The following PRKAG2 variants were observed in gnomAD, a reference collection of about 807,000 sequenced individuals.
The protein encoded by PRKAG2 is 5'-AMP-activated protein kinase subunit gamma-2.
Under a neutral mutation model 69.6 loss-of-function variants are expected in PRKAG2, and 26 were observed. That is an observed-to-expected ratio of 0.37 (90% CI 0.27 to 0.52). The LOEUF (loss-of-function observed/expected upper bound fraction) is 0.52, where lower values mean the gene tolerates loss of function less well. PRKAG2 is among the 20% of genes least tolerant of loss of function. The probability of loss-of-function intolerance (pLI) is 0.90; values close to 1 mark genes in which losing one functional copy is unlikely to be tolerated. For missense variants in PRKAG2, 557 were observed against 740.0 expected (o/e 0.75, Z 2.87); for synonymous variants, 293 against 285.0 (o/e 1.03, Z -0.28).
At chr7:151,626,374 A>G (rs1457048514) in intron 5 of PRKAG2, among the ~76,000 whole-genome samples, 1 of 152,206 alleles carries the variant, frequency 6.6e-6, no homozygotes, top group Non-Finnish European at 1.5e-5. Flanking sequence ...CCTACAGAAT[A>G]GGGCAATATG....
At chr7:151,753,492 C>G (rs975869587) in intron 3 of PRKAG2, among the ~76,000 whole-genome samples, 2 of 152,080 alleles carry the variant, frequency 1.3e-5, no homozygotes, top group Non-Finnish European at 2.9e-5. Context: ...ATGCTAACAT[C>G]GGGCAATCTG....
chr7:151,820,857 G>A (rs1586666398), intron 1 of PRKAG2, among the ~76,000 whole-genome samples: 2 of 152,134 alleles, frequency 1.3e-5, no homozygotes, highest in East Asian at 1.9e-4. Flanking sequence ...TAACCCTGAG[G>A]CCCACCCTGC....
At chr7:151,832,229 AAGGAGAGGAGGAGGGAAGGAAG>A (rs2079043668) in intron 1 of PRKAG2, among the ~76,000 whole-genome samples, 7 of 46,086 alleles carry the variant, frequency 1.5e-4, no homozygotes, top group African/African-American at 3.3e-4. Context: ...GGGAGGAGGG[AAGGAGAGGAGGAGGGAAGGAAG>A]GGAGGAGGGA....
Position 151,736,265 on chromosome 7 carries a change from G to C in PRKAG2, c.466+44887C>G, listed in dbSNP as rs893980960. Reference sequence around the variant, plus strand: ...CGGGGCTGCACCTCCGGCCACAGCAGCTGGAGCGTCAGCCCGGCTGTCCTT... The same window carrying C: ...CGGGGCTGCACCTCCGGCCACAGCACCTGGAGCGTCAGCCCGGCTGTCCTT... On this transcript the variant is annotated intron_variant, in intron 3 of 15. Transcript: ENST00000287878. 4.6e-6 allele frequency: 6 copies of C among 1,310,374 alleles called. No individual in the cohort carries two copies. In the African/African-American group the frequency reaches 5.9e-5, roughly 13 times the overall value. 81.2% of individuals were successfully genotyped at this position (1,310,374 alleles called of 1,614,324 possible). A position where few individuals can be genotyped will look rare whatever the true frequency, so the allele number is the denominator to read the frequency against.
intron 1 of PRKAG2, among the ~76,000 whole-genome samples, chr7:151,813,393 G>A (rs541054306): frequency 6.6e-6 from 1 of 151,608 alleles, no homozygotes; most frequent in African/African-American, 2.4e-5. Flanking sequence ...GGGGGGTCAA[G>A]CGACCCCCAG....
intron 3 of PRKAG2, among the ~76,000 whole-genome samples, chr7:151,700,469 G>A (rs1837488387): frequency 6.6e-6 from 1 of 152,226 alleles, no homozygotes; most frequent in African/African-American, 2.4e-5. Flanking sequence ...CTGTAGGCCA[G>A]GGGTTCCGAA....
In PRKAG2 at chr7:151,771,244, G is replaced by A. The variant is rs911741136; in HGVS notation, c.466+9908C>T. Among the ~76,000 whole-genome samples the A allele has an allele frequency of 3.3e-5, 5 of 152,012 alleles. No individual in the cohort carries two copies. The highest frequency in any genetic ancestry group is 3.2e-3 in the Middle Eastern group (1 of 316). On this transcript the variant is annotated intron_variant, in intron 3 of 15. Coordinates refer to ENST00000287878, the MANE Select transcript of PRKAG2 (RefSeq NM_016203.4). The surrounding 1 kb of genome is among the most constrained non-coding windows in gnomAD (Gnocchi z 4.0). Reference sequence around the variant, plus strand: ...TCCCTTAGCTAAAATTTCGATTTCCGCTTTACATTTTTGGCATTTTAAAAT... The same window carrying A: ...TCCCTTAGCTAAAATTTCGATTTCCACTTTACATTTTTGGCATTTTAAAAT...
intron 3 of PRKAG2, among the ~76,000 whole-genome samples, chr7:151,776,625 A>C (rs1047279351): frequency 3.3e-5 from 5 of 152,342 alleles, no homozygotes; most frequent in Non-Finnish European, 5.9e-5. Flanking sequence ...CTCCCTTCGC[A>C]GCTGTCTGCA....
intron 3 of PRKAG2, among the ~76,000 whole-genome samples, chr7:151,766,421 A>G (rs1385379848): frequency 6.6e-6 from 1 of 152,240 alleles, no homozygotes; most frequent in Non-Finnish European, 1.5e-5. Context: ...GCTCAAACAC[A>G]GTTCACTCAA....
At chr7:151,579,110 C>T (rs1357900800) in intron 6 of PRKAG2, among the ~76,000 whole-genome samples, 1 of 152,162 alleles carries the variant, frequency 6.6e-6, no homozygotes, top group Non-Finnish European at 1.5e-5. Flanking sequence ...CTCCCCGCTG[C>T]CCCTGCCGGG....
chr7:151,560,457 G>A (rs1319639769), intron 15 of PRKAG2, 67 bp downstream of exon 15: 7 of 1,612,792 alleles, frequency 4.3e-6, no homozygotes, highest in Non-Finnish European at 5.9e-6. Flanking sequence ...TTTAAATGCT[G>A]CACTTCCTGT....
chr7:151,598,391 A>G (rs998525995), intron 5 of PRKAG2, among the ~76,000 whole-genome samples: 2 of 152,196 alleles, frequency 1.3e-5, no homozygotes, highest in South Asian at 4.1e-4. Flanking sequence ...TGGGGTGACT[A>G]TAGTTAACAA....
intron 11 of PRKAG2, chr7:151,566,763 C>T (rs562240383): frequency 1.7e-5 from 5 of 300,144 alleles, no homozygotes; most frequent in South Asian, 9.4e-5. Context: ...CTCAACATAG[C>T]GAATTCCCTG....
intron 5 of PRKAG2, among the ~76,000 whole-genome samples, chr7:151,618,527 G>A (rs1820708004): frequency 6.6e-6 from 1 of 152,078 alleles, no homozygotes; most frequent in Admixed American, 6.5e-5. Flanking sequence ...CACTTTGGGA[G>A]GCCGAAGCAG....
intron 1 of PRKAG2, among the ~76,000 whole-genome samples, chr7:151,853,468 A>T (rs2079627445): frequency 1.3e-5 from 2 of 152,158 alleles, no homozygotes; most frequent in Non-Finnish European, 2.9e-5. Context: ...ATCATTTTTG[A>T]GGTTAGAAAA....
At chr7:151,671,823 G>T (rs904270358) in intron 4 of PRKAG2, among the ~76,000 whole-genome samples, 2 of 152,188 alleles carry the variant, frequency 1.3e-5, no homozygotes, top group Non-Finnish European at 2.9e-5. Flanking sequence ...GTGGGGTGAG[G>T]GGCTTGCTTA....
At chr7:151,764,375 G>T (rs1230990555) in intron 3 of PRKAG2, among the ~76,000 whole-genome samples, 1 of 152,174 alleles carries the variant, frequency 6.6e-6, no homozygotes, top group Non-Finnish European at 1.5e-5. Flanking sequence ...CCCAGAGGTT[G>T]GCGCCCTTCC....
chr7:151,625,989 C>G (rs1035187003), intron 5 of PRKAG2, among the ~76,000 whole-genome samples: 3 of 152,162 alleles, frequency 2.0e-5, no homozygotes, highest in African/African-American at 7.2e-5. Flanking sequence ...AAGGACTCAG[C>G]ACAGCTGGCT....
chr7:151,597,217 T>G (rs931441078), intron 5 of PRKAG2, among the ~76,000 whole-genome samples: 1 of 152,118 alleles, frequency 6.6e-6, no homozygotes, highest in African/African-American at 2.4e-5. Context: ...AACCTAGATA[T>G]CCACATGCAG....
Sources: allele counts gnomAD v4.1 joint callset (sites outside exome capture counted in the v4.1 genomes callset), GRCh38; gene constraint gnomAD v4.1.1; non-coding constraint Gnocchi (gnomAD v3.1); transcripts MANE v1.5; gene names NCBI Gene and HGNC (gene_info 2026-07-23, HGNC 2026-07-21).